The following MROH9 variants were observed in gnomAD, a reference collection of about 807,000 sequenced individuals.
The protein encoded by MROH9 is maestro heat-like repeat-containing protein family member 9.
A neutral mutation model predicts 98.2 loss-of-function variants in MROH9; 92 were observed. The ratio of observed to expected loss-of-function variants is 0.94; its 90% CI spans 0.79 to 1.11. The LOEUF (loss-of-function observed/expected upper bound fraction) is 1.11, where lower values mean the gene tolerates loss of function less well. Ranked by LOEUF, MROH9 falls within the 50% of genes most tolerant of loss-of-function variation. MROH9 has a pLI of 0.00. For synonymous variants in MROH9, 397 were observed against 368.9 expected (o/e 1.08, Z -0.87); for missense variants, 1,057 against 1,014.8 (o/e 1.04, Z -0.57).
At chr1:170,947,311 T>A (rs1649368136) in intron 2 of MROH9, among the ~76,000 whole-genome samples, 1 of 152,020 alleles carries the variant, frequency 6.6e-6, no homozygotes, top group Non-Finnish European at 1.5e-5. Context: ...TTTATTCTTT[T>A]AATGTGCTGC....
chr1:171,040,403 A>G (rs1571160816), intron 20 of MROH9, among the ~76,000 whole-genome samples: 1 of 152,140 alleles, frequency 6.6e-6, no homozygotes, highest in Admixed American at 6.5e-5. Context: ...CACTTAAAAT[A>G]CAACACATTT....
intron 17 of MROH9, among the ~76,000 whole-genome samples, chr1:171,022,969 A>G (rs558359384): frequency 6.6e-6 from 1 of 152,314 alleles, no homozygotes; most frequent in South Asian, 2.1e-4. Context: ...GCTCATATAA[A>G]AAAAATCAAT....
intron 5 of MROH9, among the ~76,000 whole-genome samples, chr1:170,961,330 T>C (rs1328541945): frequency 2.0e-5 from 3 of 152,198 alleles, no homozygotes; most frequent in Non-Finnish European, 2.9e-5. Flanking sequence ...TTTCTAAATG[T>C]TCACCATTAG....
At chr1:170,973,132 C>T (rs932392280) in intron 8 of MROH9, among the ~76,000 whole-genome samples, 20 of 152,160 alleles carry the variant, frequency 1.3e-4, no homozygotes, top group East Asian at 5.8e-4. Context: ...CACACACACA[C>T]GCACGCACAA....
chr1:170,956,867 T>C (rs1293279548), intron 3 of MROH9, among the ~76,000 whole-genome samples: 1 of 152,158 alleles, frequency 6.6e-6, no homozygotes, highest in African/African-American at 2.4e-5. Context: ...CTGATTTCTC[T>C]GGCTAGGACT....
At chr1:171,058,289 T>C (rs1236989543) in intron 20 of MROH9, among the ~76,000 whole-genome samples, 1 of 142,414 alleles carries the variant, frequency 7.0e-6, no homozygotes, top group African/African-American at 2.7e-5. Flanking sequence ...ACAAGGGATG[T>C]AAAGGACCTC....
intron 20 of MROH9, among the ~76,000 whole-genome samples, chr1:171,056,521 C>A (rs886441830): frequency 1.3e-5 from 2 of 152,336 alleles, no homozygotes; most frequent in African/African-American, 4.8e-5. Context: ...GGAGGAATGG[C>A]TGCAGTCTCT....
chr1:171,019,686 C>T (rs1219439281), intron 17 of MROH9, among the ~76,000 whole-genome samples: 3 of 151,130 alleles, frequency 2.0e-5, no homozygotes, highest in Non-Finnish European at 4.4e-5. Flanking sequence ...CAAATCAGCA[C>T]CCTAACATCA....
At chr1:171,059,357 A>C (rs953491780) in intron 20 of MROH9, among the ~76,000 whole-genome samples, 1 of 152,156 alleles carries the variant, frequency 6.6e-6, no homozygotes, top group African/African-American at 2.4e-5. Flanking sequence ...TCACACCAGT[A>C]AGAATGGTGA....
intron 20 of MROH9, among the ~76,000 whole-genome samples, chr1:171,060,250 C>T (rs1157177803): frequency 6.6e-6 from 1 of 152,090 alleles, no homozygotes; most frequent in East Asian, 1.9e-4. Flanking sequence ...AAAATGAATA[C>T]ACATAAAACA....
At chr1:171,038,761 T>C (rs760006409) in intron 20 of MROH9, among the ~76,000 whole-genome samples, 29 of 152,216 alleles carry the variant, frequency 1.9e-4, no homozygotes, top group Admixed American at 3.3e-4. Flanking sequence ...ACAGTCATAA[T>C]GACCAGAACT....
intron 20 of MROH9, among the ~76,000 whole-genome samples, chr1:171,053,321 C>T (rs1474432139): frequency 2.0e-5 from 3 of 152,114 alleles, no homozygotes; most frequent in African/African-American, 4.8e-5. Context: ...CCTCTTGGTC[C>T]CAAATACTCC....
intron 10 of MROH9, 130 bp downstream of exon 10, chr1:170,986,840 G>A: frequency 1.9e-6 from 2 of 1,080,286 alleles, no homozygotes; most frequent in South Asian, 1.6e-5. Flanking sequence ...TCAATATAAT[G>A]AGGCTTTTGG....
chr1:171,015,546 C>T (rs1652296732), intron 16 of MROH9, among the ~76,000 whole-genome samples: 1 of 152,114 alleles, frequency 6.6e-6, no homozygotes, highest in South Asian at 2.1e-4. Context: ...GCCTTTCTTT[C>T]TCTCTGGTGT....
rs766019336 is a variant in MROH9 at position 171,014,112 on chromosome 1, T to G, written c.1597-5T>G. 5.2e-6 allele frequency: 8 copies of G among 1,548,858 alleles called. No individual in the cohort carries two copies. In the South Asian group the frequency reaches 9.5e-5, roughly 18 times the overall value. ...CTTATAAACTTATTAACTATTTTCT[T>G]TCAGCTTCTGAATAACTTCTTCAAG... On this transcript the variant is annotated splice_region_variant and splice_polypyrimidine_tract_variant and intron_variant, in intron 15 of 21. Transcript: ENST00000367759.
intron 8 of MROH9, 88 bp from the exon 9 acceptor site, chr1:170,983,334 G>A: frequency 1.2e-6 from 1 of 860,390 alleles, no homozygotes; most frequent in South Asian, 1.6e-5. Flanking sequence ...TCCAGAACTG[G>A]GCAGGAAAAG....
At chr1:170,948,436 T>C (rs1270794387) in intron 3 of MROH9, among the ~76,000 whole-genome samples, 1 of 152,054 alleles carries the variant, frequency 6.6e-6, no homozygotes, top group East Asian at 1.9e-4. Context: ...TAAAACCATA[T>C]TCTATTAAAC....
intron 16 of MROH9, among the ~76,000 whole-genome samples, chr1:171,014,470 T>G (rs1652263744): frequency 6.6e-6 from 1 of 152,112 alleles, no homozygotes; most frequent in African/African-American, 2.4e-5. Flanking sequence ...CTTTTTTTTT[T>G]TTTTTACAGA....
At chr1:170,936,766 A>G (rs1648900834) in intron 1 of MROH9, among the ~76,000 whole-genome samples, 1 of 152,174 alleles carries the variant, frequency 6.6e-6, no homozygotes, top group African/African-American at 2.4e-5. Flanking sequence ...GATGGGGTTG[A>G]GAAGGATATT....
Sources: allele counts gnomAD v4.1 joint callset (sites outside exome capture counted in the v4.1 genomes callset), GRCh38; gene constraint gnomAD v4.1.1; transcripts MANE v1.5; gene names NCBI Gene and HGNC (gene_info 2026-07-23, HGNC 2026-07-21).